Variants in SUCLG2 observed in about 807,000 individuals in gnomAD.
SUCLG2 encodes the protein succinate--CoA ligase [GDP-forming] subunit beta, mitochondrial.
SUCLG2 carries 42 observed loss-of-function variants against 47.9 expected under a neutral mutation model. That is an observed-to-expected ratio of 0.88 (90% CI 0.69 to 1.14). The LOEUF is 1.14. Ranked by LOEUF, SUCLG2 falls within the 50% of genes most tolerant of loss-of-function variation. The pLI is 0.00. For synonymous variants in SUCLG2, 195 were observed against 197.3 expected (o/e 0.99, Z 0.10); for missense variants, 571 against 525.9 (o/e 1.09, Z -0.84).
chr3:67,390,310 C>T (rs760831610), intron 10 of SUCLG2, among the ~76,000 whole-genome samples: 5 of 152,166 alleles, frequency 3.3e-5, no homozygotes, highest in Non-Finnish European at 4.4e-5. Flanking sequence ...GTTGCCCACC[C>T]ACAATGTATT....
chr3:67,430,458 G>C (rs1380138998), intron 9 of SUCLG2, among the ~76,000 whole-genome samples: 1 of 152,172 alleles, frequency 6.6e-6, no homozygotes, highest in East Asian at 1.9e-4. Flanking sequence ...GCAGTGCATA[G>C]AGGAAAATTT....
intron 4 of SUCLG2, among the ~76,000 whole-genome samples, chr3:67,522,363 T>C (rs1270078291): frequency 6.6e-6 from 1 of 151,992 alleles, no homozygotes; most frequent in Non-Finnish European, 1.5e-5. Flanking sequence ...GACATTTACA[T>C]GAACTTCAAT....
intron 9 of SUCLG2, among the ~76,000 whole-genome samples, chr3:67,473,844 C>T (rs561569177): frequency 6.6e-6 from 1 of 152,302 alleles, no homozygotes; most frequent in South Asian, 2.1e-4. Context: ...CACATCACCT[C>T]CCAACTTCTC....
At chr3:67,537,299 T>A (rs1296207563) in intron 2 of SUCLG2, among the ~76,000 whole-genome samples, 2 of 152,106 alleles carry the variant, frequency 1.3e-5, no homozygotes, top group African/African-American at 4.8e-5. Context: ...AACTCCCACT[T>A]ATGAGTGAGT....
intron 10 of SUCLG2, among the ~76,000 whole-genome samples, chr3:67,367,586 G>C (rs890439956): frequency 1.3e-5 from 2 of 152,108 alleles, no homozygotes; most frequent in South Asian, 4.1e-4. Flanking sequence ...GACACTTTGG[G>C]TTGAATAATT....
chr3:67,454,305 T>C (rs1704128406), intron 9 of SUCLG2, among the ~76,000 whole-genome samples: 2 of 152,124 alleles, frequency 1.3e-5, no homozygotes, highest in Non-Finnish European at 1.5e-5. Flanking sequence ...AAAAATTGGT[T>C]TGAGATCCAG....
At chr3:67,462,919 T>C (rs1456287186) in intron 9 of SUCLG2, among the ~76,000 whole-genome samples, 2 of 152,210 alleles carry the variant, frequency 1.3e-5, no homozygotes, top group Admixed American at 6.5e-5. Context: ...GCAGAATTGA[T>C]TGCTTGCTTA....
chr3:67,636,491 T>C (rs1269847587), intron 1 of SUCLG2, among the ~76,000 whole-genome samples: 1 of 151,900 alleles, frequency 6.6e-6, no homozygotes, highest in Non-Finnish European at 1.5e-5. Context: ...TAGCTGGGAC[T>C]ACAGGCGCCC....
At chr3:67,386,112 G>A (rs1042145234) in intron 10 of SUCLG2, among the ~76,000 whole-genome samples, 1 of 152,032 alleles carries the variant, frequency 6.6e-6, no homozygotes, top group African/African-American at 2.4e-5. Flanking sequence ...TATTTGAGAC[G>A]GAGTCTCGCT....
At chr3:67,380,230 T>TGGGAAGGGCCC (rs1250261478) in intron 10 of SUCLG2, among the ~76,000 whole-genome samples, 1 of 151,344 alleles carries the variant, frequency 6.6e-6, no homozygotes, top group African/African-American at 2.4e-5. Context: ...CTCCTTTTGC[T>TGGGAAGGGCCC]GGGAAGGGCC....
intron 2 of SUCLG2, among the ~76,000 whole-genome samples, chr3:67,546,658 C>T (rs770593953): frequency 1.1e-4 from 16 of 152,180 alleles, no homozygotes; most frequent in East Asian, 1.9e-4. Context: ...TAGCTGGAAC[C>T]GGGGAGGTGG....
At position 67,576,021 on chromosome 3, in the gene SUCLG2, CCT is replaced by C. The variant is rs1199530199; in HGVS notation, c.226+33432_226+33433del. ...CCATGCAGGGGCCTTGACTGGGAAT[CCT>C]CTTTCACTGACAGCTGAGTCCTTTT... On this transcript the variant is annotated intron_variant, in intron 2 of 10. Coordinates refer to ENST00000307227, the MANE Select transcript of SUCLG2 (RefSeq NM_003848.4). Among the ~76,000 whole-genome samples the C allele has an allele frequency of 1.8e-4, 28 of 152,146 alleles. 1 individual carries two copies. The highest frequency in any genetic ancestry group is 1.8e-3 in the Admixed American group (28 of 15,272).
At chr3:67,500,948 AG>A (rs2107076383) in intron 7 of SUCLG2, among the ~76,000 whole-genome samples, 1 of 152,316 alleles carries the variant, frequency 6.6e-6, no homozygotes, top group Admixed American at 6.5e-5. Context: ...AAAGTTCAAA[AG>A]GCAATCCCAA....
At position 67,635,170 on chromosome 3, in the gene SUCLG2, C is replaced by T. The variant is rs13092662; in HGVS notation, c.84+19333G>A. ...TGACCTAGGACATTCAAATACATGA[C>T]GAAAATCTTCATGACACACCAGTAA... On this transcript the variant is annotated intron_variant, in intron 1 of 10. Coordinates refer to ENST00000307227, the MANE Select transcript of SUCLG2 (RefSeq NM_003848.4). 1.9e-3 allele frequency among the ~76,000 whole-genome samples: 296 copies of T among 152,002 alleles called. 4 individuals are homozygous for T. The highest frequency in any genetic ancestry group is 2.6e-3 in the Non-Finnish European group (179 of 67,972).
intron 9 of SUCLG2, among the ~76,000 whole-genome samples, chr3:67,419,805 A>G (rs1408770693): frequency 6.6e-6 from 1 of 152,182 alleles, no homozygotes; most frequent in Non-Finnish European, 1.5e-5. Context: ...AGAAAATAGG[A>G]TAATTGTGAG....
intron 9 of SUCLG2, among the ~76,000 whole-genome samples, chr3:67,422,744 C>A (rs1051135730): frequency 6.6e-6 from 1 of 151,974 alleles, no homozygotes; most frequent in Non-Finnish European, 1.5e-5. Flanking sequence ...TAAGATAATG[C>A]CTATAGGGAG....
chr3:67,559,732 TG>T (rs761124091), intron 2 of SUCLG2, among the ~76,000 whole-genome samples: 1 of 152,254 alleles, frequency 6.6e-6, no homozygotes, highest in Non-Finnish European at 1.5e-5. Flanking sequence ...AAAATTATAA[TG>T]GCAGAGAATT....
chr3:67,580,547 T>C (rs1707855935), intron 2 of SUCLG2, among the ~76,000 whole-genome samples: 1 of 152,202 alleles, frequency 6.6e-6, no homozygotes, highest in Admixed American at 6.5e-5. Flanking sequence ...AAGTGCCTCC[T>C]CGGGGCACTG....
intron 1 of SUCLG2, among the ~76,000 whole-genome samples, chr3:67,623,218 C>T (rs958361291): frequency 1.3e-5 from 2 of 152,062 alleles, no homozygotes; most frequent in Admixed American, 1.3e-4. Context: ...AAACAAATTG[C>T]GGCTGGGCGT....
Sources: gnomAD v4.1 joint callset for allele counts (sites outside exome capture counted in the v4.1 genomes callset) on GRCh38, gnomAD v4.1.1 for gene constraint, MANE v1.5 for transcripts, NCBI Gene and HGNC (gene_info 2026-07-23, HGNC 2026-07-21) for gene names.